The following NRG2 variants were observed in gnomAD, a reference collection of about 807,000 sequenced individuals.
NRG2 encodes the protein pro-neuregulin-2, membrane-bound isoform.
In NRG2, 27 loss-of-function variants were observed where a neutral mutation model predicts 73.9. The observed-to-expected ratio is 0.37, with a 90% CI of 0.27 to 0.50. NRG2 has a LOEUF of 0.50. Ranked by LOEUF, NRG2 falls within the 20% of genes least tolerant of loss-of-function variation. NRG2 has a pLI of 0.96. For synonymous variants in NRG2, 532 were observed against 541.0 expected (o/e 0.98, Z 0.23); for missense variants, 1,126 against 1,210.1 (o/e 0.93, Z 1.03).
At chr5:139,981,692 G>A (rs1196975743) in intron 1 of NRG2, among the ~76,000 whole-genome samples, 2 of 152,228 alleles carry the variant, frequency 1.3e-5, no homozygotes, top group Admixed American at 6.5e-5. Context: ...AGCACCATGA[G>A]GAAGACCCAG....
intron 1 of NRG2, among the ~76,000 whole-genome samples, chr5:139,982,534 G>C (rs1756882749): frequency 6.6e-6 from 1 of 152,140 alleles, no homozygotes; most frequent in Non-Finnish European, 1.5e-5. Flanking sequence ...TTGTTCATTA[G>C]TTAGTTGCTT....
chr5:139,857,393 G>A (rs184509881), intron 5 of NRG2, among the ~76,000 whole-genome samples: 146 of 152,198 alleles, frequency 9.6e-4, no homozygotes, highest in African/African-American at 3.4e-3. Flanking sequence ...GCCCTCCATC[G>A]AGTCTGCACC....
At position 139,851,770 on chromosome 5, in the gene NRG2, C is replaced by T; in HGVS notation, c.1606G>A (p.Gly536Arg). 1 of 1,614,220 alleles carries T rather than the reference C, an allele frequency of 6.2e-7. No individual in the cohort carries two copies. Among genetic ancestry groups the T allele is most frequent in the Non-Finnish European group, 8.5e-7 (1 of 1,180,042 alleles). ...SESLTSDSQS[G>R]IMLSSVGTSK... ...GTACCCACTGATGATAGCATGATCC[C>T]CGACTGGGAGTCAGAAGTCAGGCTC... The change falls in exon 9 of 10, where the codon GGG (glycine) becomes AGG (arginine). Residue 536 changes from glycine (G) to arginine (R), a missense_variant. Transcript: ENST00000361474. The surrounding 1 kb of genome is among the most constrained non-coding windows in gnomAD (Gnocchi z 4.2).
chr5:139,882,829 G>A (rs1030737711), intron 2 of NRG2, among the ~76,000 whole-genome samples: 5 of 152,106 alleles, frequency 3.3e-5, no homozygotes, highest in African/African-American at 1.2e-4. Context: ...TGTTAAGGAA[G>A]GATTCCCCAC....
chr5:140,037,405 C>A (rs1023673246), intron 1 of NRG2, among the ~76,000 whole-genome samples: 5 of 152,092 alleles, frequency 3.3e-5, no homozygotes, highest in Non-Finnish European at 7.3e-5. Flanking sequence ...TATTTTCATT[C>A]CTGAGTCCAG....
At chr5:139,859,405 A>C (rs377447964) in intron 5 of NRG2, among the ~76,000 whole-genome samples, 1 of 152,214 alleles carries the variant, frequency 6.6e-6, no homozygotes, top group Admixed American at 6.5e-5. Context: ...GTGCAGGATG[A>C]AAAGCAATGA....
chr5:140,001,580 A>T (rs1758481324), intron 1 of NRG2, among the ~76,000 whole-genome samples: 1 of 152,072 alleles, frequency 6.6e-6, no homozygotes, highest in Admixed American at 6.6e-5. Context: ...TAGAGATGTG[A>T]GCTGGGCTTG....
chr5:139,976,640 C>T (rs1405382955), intron 1 of NRG2, among the ~76,000 whole-genome samples: 3 of 152,126 alleles, frequency 2.0e-5, no homozygotes, highest in Non-Finnish European at 2.9e-5. Context: ...CCAGAAGAGA[C>T]CCCAGGGTCA....
At chr5:139,964,269 A>C (rs905673506) in intron 1 of NRG2, among the ~76,000 whole-genome samples, 2 of 152,090 alleles carry the variant, frequency 1.3e-5, no homozygotes. Context: ...TGTCTACCCT[A>C]CTGTCTTGGG....
chr5:140,039,768 C>A (rs1250434325), intron 1 of NRG2, among the ~76,000 whole-genome samples: 1 of 152,152 alleles, frequency 6.6e-6, no homozygotes, highest in Non-Finnish European at 1.5e-5. Flanking sequence ...CACACTCAGA[C>A]CTGAAACTAG....
intron 2 of NRG2, among the ~76,000 whole-genome samples, chr5:139,886,801 A>G (rs1228248951): frequency 1.3e-5 from 2 of 152,158 alleles, no homozygotes; most frequent in Non-Finnish European, 2.9e-5. Flanking sequence ...ATTAAAGACA[A>G]TTCTCAACTT....
chr5:139,944,619 A>G (rs1753666970), intron 1 of NRG2, among the ~76,000 whole-genome samples: 1 of 152,074 alleles, frequency 6.6e-6, no homozygotes, highest in Non-Finnish European at 1.5e-5. Context: ...ATAGTATTCC[A>G]TTGTGTGTAT....
At chr5:139,889,266 G>A (rs1204151328) in intron 1 of NRG2, among the ~76,000 whole-genome samples, 2 of 151,988 alleles carry the variant, frequency 1.3e-5, no homozygotes, top group African/African-American at 2.4e-5. Context: ...CAAATTCTAT[G>A]ACTTATATGT....
rs1340291008 is a variant in NRG2, at chr5:139,964,358, AC to A, written c.701-76848del. Among the ~76,000 whole-genome samples the A allele has an allele frequency of 8.8e-4, 49 of 55,408 alleles. 1 individual carries two copies. In the East Asian group the frequency reaches 0.017, roughly 19 times the overall value. The allele number at this position is 55,408 out of a possible 152,430, so 36.3% of individuals were successfully genotyped here. On this transcript the variant is annotated intron_variant, in intron 1 of 9. Transcript: ENST00000361474. ...GTTAGTCATACACAGAAATACAGATACACACACACACACACACACACACACA... is the reference window on the plus strand; with the variant it reads ...GTTAGTCATACACAGAAATACAGATAACACACACACACACACACACACACA...
At chr5:139,986,474 A>C (rs1757181858) in intron 1 of NRG2, among the ~76,000 whole-genome samples, 2 of 152,220 alleles carry the variant, frequency 1.3e-5, no homozygotes, top group Non-Finnish European at 2.9e-5. Context: ...GGAGAGAAAG[A>C]AGCAAAAAGA....
intron 1 of NRG2, among the ~76,000 whole-genome samples, chr5:139,965,579 C>T (rs1273656387): frequency 6.6e-6 from 1 of 152,256 alleles, no homozygotes; most frequent in Non-Finnish European, 1.5e-5. Context: ...CCTGAATATT[C>T]ACCCAATCAG....
At chr5:139,960,678 T>C (rs1372965900) in intron 1 of NRG2, among the ~76,000 whole-genome samples, 1 of 152,234 alleles carries the variant, frequency 6.6e-6, no homozygotes, top group African/African-American at 2.4e-5. Context: ...TGGCTCACAG[T>C]AAACGCCATG....
chr5:139,873,923 G>A (rs1763015844), intron 3 of NRG2, among the ~76,000 whole-genome samples: 2 of 152,250 alleles, frequency 1.3e-5, no homozygotes, highest in Admixed American at 1.3e-4. Context: ...CATTGAGCCT[G>A]CGCTGCCAGT....
Position 139,847,930 on chromosome 5 carries a change from G to A in NRG2, c.2540C>T (p.Ser847Leu), listed in dbSNP as rs1446671641. ...CGCGGCGGGGCCCTAGAGTGGCGCC[G>A]AGTCCTGCTTGGCCCGCGGGGGCGG... Reference protein sequence around the residue: ...RGPPPRAKQDSAPL With the variant: ...RGPPPRAKQDLAPL Residue 847 changes from serine to leucine, a missense_variant, in exon 10 of 10, where the codon TCG becomes TTG. Ser to Leu is a moderately radical substitution (Grantham distance 145). Around this residue, in one of 3 missense-constraint regions of NRG2, gnomAD observed 402 missense variants for 357.8 expected, o/e 1.12. Transcript: ENST00000361474. The A allele has an allele frequency of 6.7e-7, 1 of 1,492,772 alleles. No homozygotes were observed. The highest frequency in any genetic ancestry group is 8.9e-7 in the Non-Finnish European group (1 of 1,126,964). The allele number at this position is 1,492,772 out of a possible 1,614,324, so 92.5% of individuals were successfully genotyped here. A position where few individuals can be genotyped will look rare whatever the true frequency, so the allele number is the denominator to read the frequency against.
Sources: allele counts gnomAD v4.1 joint callset (sites outside exome capture counted in the v4.1 genomes callset), GRCh38; gene constraint gnomAD v4.1.1; regional missense constraint gnomAD v4.1.1; non-coding constraint Gnocchi (gnomAD v3.1); transcripts MANE v1.5; gene names NCBI Gene and HGNC (gene_info 2026-07-23, HGNC 2026-07-21).